CLSTN2: variants seen among roughly 807,000 people sequenced by gnomAD.
CLSTN2 encodes the protein calsyntenin-2.
In CLSTN2, 48 loss-of-function variants were observed where a neutral mutation model predicts 101.2. That is an observed-to-expected ratio of 0.47 (90% CI 0.38 to 0.60). CLSTN2 has a LOEUF of 0.60. Ranked by LOEUF, CLSTN2 falls within the 20% of genes least tolerant of loss-of-function variation. CLSTN2 has a pLI of 0.00. For missense variants in CLSTN2, 1,160 were observed against 1,238.2 expected (o/e 0.94, Z 0.95); for synonymous variants, 481 against 463.6 (o/e 1.04, Z -0.48).
intron 2 of CLSTN2, among the ~76,000 whole-genome samples, chr3:140,301,320 A>G (rs1053558057): frequency 6.6e-6 from 1 of 152,234 alleles, no homozygotes; most frequent in Non-Finnish European, 1.5e-5. Flanking sequence ...TTAATAATTA[A>G]TAACAAATCT....
intron 2 of CLSTN2, among the ~76,000 whole-genome samples, chr3:140,204,370 T>C (rs79762968): frequency 1.3e-5 from 2 of 152,192 alleles, no homozygotes; most frequent in African/African-American, 2.4e-5. Context: ...ACTCACCCTT[T>C]CTCTGTGCCT....
intron 1 of CLSTN2, among the ~76,000 whole-genome samples, chr3:139,979,391 T>C (rs1250350683): frequency 4.7e-4 from 71 of 152,178 alleles, no homozygotes; most frequent in Admixed American, 4.6e-3. Flanking sequence ...TCAAAATAAC[T>C]TTGGTCCATT....
intron 1 of CLSTN2, among the ~76,000 whole-genome samples, chr3:140,032,446 C>T (rs1447719524): frequency 6.6e-6 from 1 of 151,640 alleles, no homozygotes; most frequent in Non-Finnish European, 1.5e-5. Context: ...GCGCGATTCT[C>T]CTGCCTCAGC....
At chr3:140,310,801 A>G (rs2087159932) in intron 2 of CLSTN2, among the ~76,000 whole-genome samples, 1 of 152,260 alleles carries the variant, frequency 6.6e-6, no homozygotes, top group African/African-American at 2.4e-5. Context: ...GCACAGAGCA[A>G]GCACTAAATA....
intron 4 of CLSTN2, among the ~76,000 whole-genome samples, chr3:140,420,680 T>C (rs1291227182): frequency 6.6e-6 from 1 of 152,230 alleles, no homozygotes; most frequent in Non-Finnish European, 1.5e-5. Context: ...CAGTGAACAT[T>C]CCTGGCGACA....
At chr3:140,283,406 A>C (rs1478700509) in intron 2 of CLSTN2, among the ~76,000 whole-genome samples, 2 of 152,236 alleles carry the variant, frequency 1.3e-5, no homozygotes, top group African/African-American at 4.8e-5. Context: ...TTTGTGCACC[A>C]GAATATAGGG....
chr3:140,043,528 A>G (rs1285847521), intron 1 of CLSTN2, among the ~76,000 whole-genome samples: 1 of 152,150 alleles, frequency 6.6e-6, no homozygotes, highest in Non-Finnish European at 1.5e-5. Context: ...CTTTAGTTTA[A>G]TTAGATCCCA....
intron 1 of CLSTN2, among the ~76,000 whole-genome samples, chr3:139,973,764 G>T (rs1213629890): frequency 6.6e-6 from 1 of 152,010 alleles, no homozygotes; most frequent in African/African-American, 2.4e-5. Context: ...CCAGCCTCCC[G>T]AGTAGCTGCA....
At chr3:140,333,444 C>T (rs1290145828) in intron 2 of CLSTN2, among the ~76,000 whole-genome samples, 3 of 152,132 alleles carry the variant, frequency 2.0e-5, no homozygotes, top group African/African-American at 7.2e-5. Context: ...TTCCATGGCT[C>T]TCCACTCTAG....
chr3:140,052,339 A>G (rs2008012736), intron 1 of CLSTN2, among the ~76,000 whole-genome samples: 1 of 152,062 alleles, frequency 6.6e-6, no homozygotes, highest in Admixed American at 6.6e-5. Flanking sequence ...TTGTATTTTT[A>G]GTAAGACAGG....
chr3:140,414,821 A>G (rs1336319993), intron 4 of CLSTN2, among the ~76,000 whole-genome samples: 6 of 152,138 alleles, frequency 3.9e-5, no homozygotes, highest in Non-Finnish European at 7.4e-5. Context: ...GTAACAGAAG[A>G]TACAATCCTA....
intron 1 of CLSTN2, among the ~76,000 whole-genome samples, chr3:139,976,953 C>T (rs1054666824): frequency 5.9e-5 from 9 of 152,254 alleles, no homozygotes; most frequent in Non-Finnish European, 1.2e-4. Flanking sequence ...ATGAAGCACC[C>T]GCCCGCTCCA....
At chr3:140,481,198 T>A (rs1374298792) in intron 8 of CLSTN2, among the ~76,000 whole-genome samples, 10 of 152,196 alleles carry the variant, frequency 6.6e-5, no homozygotes, top group African/African-American at 2.4e-5. Flanking sequence ...ATTTATTAAA[T>A]AGGGAATCCT....
At chr3:140,137,052 G>A (rs929366944) in intron 1 of CLSTN2, among the ~76,000 whole-genome samples, 1 of 152,202 alleles carries the variant, frequency 6.6e-6, no homozygotes, top group African/African-American at 2.4e-5. Context: ...TATTCAACAA[G>A]TATTTATTAA....
intron 2 of CLSTN2, among the ~76,000 whole-genome samples, chr3:140,308,846 C>G (rs1215761123): frequency 2.6e-5 from 4 of 152,224 alleles, no homozygotes; most frequent in African/African-American, 7.2e-5. Flanking sequence ...CATCCTCCCC[C>G]ATTCTGCTGC....
At position 140,459,772 on chromosome 3, in the gene CLSTN2, G is replaced by A. The variant is rs752876605; in HGVS notation, c.1222+3G>A. 6 of 1,608,454 alleles carry A rather than the reference G, an allele frequency of 3.7e-6. No individual in the cohort carries two copies. The highest frequency in any genetic ancestry group is 5.1e-6 in the Non-Finnish European group (6 of 1,178,226). ...CCTCTGCAACTCAGACAAAACCGGTGAGTCTCTAGCCCAGCCCTTCCACCC... is the reference window on the plus strand; with the variant it reads ...CCTCTGCAACTCAGACAAAACCGGTAAGTCTCTAGCCCAGCCCTTCCACCC... On this transcript the variant is annotated splice_donor_region_variant and intron_variant, in intron 7 of 16. Coordinates refer to ENST00000458420, the MANE Select transcript of CLSTN2 (RefSeq NM_022131.3).
At chr3:140,235,805 G>A (rs527422365) in intron 2 of CLSTN2, among the ~76,000 whole-genome samples, 3 of 152,260 alleles carry the variant, frequency 2.0e-5, no homozygotes, top group Middle Eastern at 3.4e-3. Context: ...GGTAGTGGGG[G>A]GCTGATTAGA....
chr3:140,023,899 G>T (rs374394652), intron 1 of CLSTN2, among the ~76,000 whole-genome samples: 1 of 152,300 alleles, frequency 6.6e-6, no homozygotes, highest in South Asian at 2.1e-4. Context: ...ACCAGGCTAC[G>T]GGGCCAAACC....
intron 1 of CLSTN2, among the ~76,000 whole-genome samples, chr3:140,022,808 C>T (rs977048253): frequency 1.3e-5 from 2 of 152,114 alleles, no homozygotes; most frequent in Non-Finnish European, 2.9e-5. Flanking sequence ...CTGTTTGGTC[C>T]CATGGGAGCT....
Sources: gnomAD v4.1 joint callset for allele counts (sites outside exome capture counted in the v4.1 genomes callset) on GRCh38, gnomAD v4.1.1 for gene constraint, MANE v1.5 for transcripts, NCBI Gene and HGNC (gene_info 2026-07-23, HGNC 2026-07-21) for gene names.